DPY19L4: variants seen among roughly 807,000 people sequenced by gnomAD.
DPY19L4 encodes probable C-mannosyltransferase DPY19L4.
Under a neutral mutation model 102.8 loss-of-function variants are expected in DPY19L4, and 97 were observed. The observed-to-expected ratio is 0.94, with a 90% confidence interval of 0.80 to 1.12. The LOEUF is 1.12. Ranked by LOEUF, DPY19L4 falls within the 50% of genes most tolerant of loss-of-function variation. The pLI, the probability that DPY19L4 is intolerant of heterozygous loss-of-function variation, is 0.00. For synonymous variants in DPY19L4, 252 were observed against 283.1 expected, an observed-to-expected ratio of 0.89 and a Z score of 1.10; for missense variants, 815 against 850.4, an observed-to-expected ratio of 0.96 and a Z score of 0.52.
rs528563912 is a variant in DPY19L4, at chr8:94,720,470, A to G, written c.16+456A>G. The stretch of plus-strand genomic sequence containing the variant: ...ACATTCACCACGGGGATAAAGAGGC[A>G]GGGATTTGGGATAAACGTGGCAAGA... On this transcript the variant is annotated intron_variant, in intron 1 of 18. Coordinates refer to ENST00000414645, the MANE Select transcript of DPY19L4 (RefSeq NM_181787.3). Among the ~76,000 whole-genome samples the G allele has an allele frequency of 7.2e-5, 11 of 152,300 alleles. No homozygotes were observed. The East Asian group carries it at 2.1e-3, about 29-fold the overall frequency.
At chr8:94,758,539 T>C (rs377636512) in intron 7 of DPY19L4, among the ~76,000 whole-genome samples, 20 of 152,236 alleles carry the variant, frequency 1.3e-4, no homozygotes, top group African/African-American at 4.6e-4. Flanking sequence ...AACCCAAACC[T>C]CTGGCAACCA....
At chr8:94,722,523 TG>T (rs1810511861) in intron 1 of DPY19L4, among the ~76,000 whole-genome samples, 1 of 152,232 alleles carries the variant, frequency 6.6e-6, no homozygotes, top group South Asian at 2.1e-4. Flanking sequence ...ATTAAAATAT[TG>T]CTTTATTCAA....
At chr8:94,761,942 A>C (rs1812411211) in intron 8 of DPY19L4, 108 bp downstream of exon 8, 1 of 1,116,066 alleles carries the variant, frequency 9.0e-7, no homozygotes, top group Non-Finnish European at 1.2e-6. Context: ...GGGAACCCCG[A>C]TGCATACAAT....
rs189075279 is a variant in DPY19L4, at chr8:94,790,854, T to A, written c.*944T>A. The A allele has an allele frequency of 2.4e-3, 372 of 152,252 alleles. 2 individuals are homozygous for A. The highest frequency in any genetic ancestry group is 8.4e-3 in the African/African-American group (350 of 41,580). The allele number at this position is 152,252 out of a possible 1,614,324, so 9.4% of individuals were successfully genotyped here. ...ATGCAGATGTTGTTAAACGTACCTC[T>A]GCATACAGATATATTATAAAACACA... On this transcript the variant is annotated 3_prime_UTR_variant, in exon 19 of 19. Coordinates refer to ENST00000414645, the MANE Select transcript of DPY19L4 (RefSeq NM_181787.3).
Position 94,788,042 on chromosome 8 carries a change from C to T in DPY19L4, c.1997C>T (p.Ala666Val). 1 of 1,451,256 alleles carries T rather than the reference C, an allele frequency of 6.9e-7. No homozygotes were observed. The allele number at this position is 1,451,256 out of a possible 1,614,324, so 89.9% of individuals were successfully genotyped here. ...AGGGTTAAAGATTTATTAGACATTG[C>T]AAATGGCCACGTAAGTAACCATTTG... ...GCRVKDLLDI[A>V]NGHMVCEEGD... Residue 666 changes from alanine (A) to valine (V), a missense_variant, in exon 18 of 19, where the codon GCA (alanine) becomes GTA (valine). By Grantham distance (64) the Ala-to-Val change is moderately conservative (BLOSUM62 0). Coordinates refer to ENST00000414645, the MANE Select transcript of DPY19L4 (RefSeq NM_181787.3).
At chr8:94,788,809 T>C (rs967999011) in intron 18 of DPY19L4, among the ~76,000 whole-genome samples, 11 of 152,242 alleles carry the variant, frequency 7.2e-5, no homozygotes, top group African/African-American at 1.9e-4. Flanking sequence ...GTAGTAGATA[T>C]ACTATTCAGG....
chr8:94,732,959 C>T (rs552946160), intron 2 of DPY19L4, among the ~76,000 whole-genome samples: 32 of 144,082 alleles, frequency 2.2e-4, no homozygotes, highest in Middle Eastern at 9.4e-3. Context: ...TACAGGCACC[C>T]GCCACCACCA....
chr8:94,731,905 C>G (rs556507157), intron 2 of DPY19L4, among the ~76,000 whole-genome samples: 146 of 151,992 alleles, frequency 9.6e-4, no homozygotes, highest in African/African-American at 3.3e-3. Context: ...GTAGCTGGGA[C>G]TACAGGTGCC....
At chr8:94,763,037 C>T (rs1016760453) in intron 8 of DPY19L4, among the ~76,000 whole-genome samples, 11 of 151,708 alleles carry the variant, frequency 7.3e-5, no homozygotes, top group Non-Finnish European at 1.2e-4. Context: ...CAACCTCTGC[C>T]TCCCGGCTTC....
intron 6 of DPY19L4, among the ~76,000 whole-genome samples, chr8:94,752,706 C>T (rs1466002071): frequency 2.7e-5 from 4 of 149,314 alleles, no homozygotes; most frequent in Non-Finnish European, 4.4e-5. Flanking sequence ...GCTCTGTCAC[C>T]CAGGCTGGAG....
chr8:94,764,533 G>A (rs7845398), intron 8 of DPY19L4, among the ~76,000 whole-genome samples: 3 of 139,688 alleles, frequency 2.1e-5, no homozygotes, highest in Non-Finnish European at 3.0e-5. Context: ...CCGAGATCGC[G>A]CCACTGCACT....
rs1319717872 is a variant in DPY19L4 at position 94,792,479 on chromosome 8, C to G, written c.*2569C>G. The G allele has an allele frequency of 6.6e-6, 1 of 151,622 alleles. No homozygotes were observed. The highest frequency in any genetic ancestry group is 2.4e-5 in the African/African-American group (1 of 41,414). The allele number at this position is 151,622 out of a possible 1,614,324, so 9.4% of individuals were successfully genotyped here. ...GCCAGGCTGGTCTCGAACTCCTGAC[C>G]TCAGATGATCCACTCACCCCAGCCT... On this transcript the variant is annotated 3_prime_UTR_variant, in exon 19 of 19. Transcript: ENST00000414645.
intron 2 of DPY19L4, among the ~76,000 whole-genome samples, chr8:94,728,472 A>T (rs1563570644): frequency 6.6e-6 from 1 of 152,194 alleles, no homozygotes; most frequent in Non-Finnish European, 1.5e-5. Context: ...GGTTTGGAGA[A>T]TGTGTCATCC....
In DPY19L4 at chr8:94,721,115, G is replaced by A. The variant is rs6471479; in HGVS notation, c.16+1101G>A. 6.4e-3 allele frequency among the ~76,000 whole-genome samples: 969 copies of A among 152,168 alleles called. 3 individuals carry two copies. Among genetic ancestry groups the A allele is most frequent in the Middle Eastern group, 0.021 (6 of 292 alleles). Reference sequence around the variant, plus strand: ...GCATGCGCCATCACGCCCGGTTAATGTTATATTTTGAGTAGAGACGGGGTT... The same window carrying A: ...GCATGCGCCATCACGCCCGGTTAATATTATATTTTGAGTAGAGACGGGGTT... On this transcript the variant is annotated intron_variant, in intron 1 of 18. Transcript: ENST00000414645.
intron 3 of DPY19L4, among the ~76,000 whole-genome samples, chr8:94,737,538 C>T (rs1811237561): frequency 6.6e-6 from 1 of 151,432 alleles, no homozygotes; most frequent in Non-Finnish European, 1.5e-5. Flanking sequence ...AATCCCAACA[C>T]TTTAGGAGGC....
intron 1 of DPY19L4, 44 bp downstream of exon 1, chr8:94,720,058 T>G (rs757891148): frequency 1.3e-6 from 2 of 1,512,356 alleles, no homozygotes; most frequent in African/African-American, 2.9e-5. Context: ...GCCAGTGGTC[T>G]CGGGAAGGAG....
At chr8:94,768,630 T>C (rs1812784699) in intron 12 of DPY19L4, 77 bp downstream of exon 12, 1 of 876,866 alleles carries the variant, frequency 1.1e-6, no homozygotes, top group East Asian at 3.3e-5. Context: ...TTAATATTCT[T>C]CCAAGATTTC....
At chr8:94,758,066 A>T (rs1812240430) in intron 7 of DPY19L4, among the ~76,000 whole-genome samples, 1 of 152,062 alleles carries the variant, frequency 6.6e-6, no homozygotes, top group Admixed American at 6.6e-5. Context: ...AGCTGAGATC[A>T]CACCACTGCA....
chr8:94,765,846 A>G, intron 10 of DPY19L4, 37 bp downstream of exon 10: 1 of 1,233,186 alleles, frequency 8.1e-7, no homozygotes, highest in South Asian at 1.3e-5. Flanking sequence ...GTAAAACAAA[A>G]TGAATAATGA....
Sources: allele counts gnomAD v4.1 joint callset (sites outside exome capture counted in the v4.1 genomes callset), GRCh38; gene constraint gnomAD v4.1.1; transcripts MANE v1.5; gene names NCBI Gene and HGNC (gene_info 2026-07-23, HGNC 2026-07-21).